HTT: variants seen among roughly 807,000 people sequenced by gnomAD.
HTT encodes the protein huntington disease protein.
A neutral mutation model predicts 362.3 loss-of-function variants in HTT; 104 were observed. The ratio of observed to expected loss-of-function variants is 0.29; its 90% CI spans 0.24 to 0.34. The LOEUF (loss-of-function observed/expected upper bound fraction) is 0.34, where lower values mean the gene tolerates loss of function less well. Ranked by LOEUF, HTT falls within the 10% of genes least tolerant of loss-of-function variation. HTT has a pLI of 1.00. For missense variants in HTT, 3,301 were observed against 3,928.6 expected (o/e 0.84, Z 4.27); for synonymous variants, 1,577 against 1,548.7 (o/e 1.02, Z -0.43).
Position 3,077,012 on chromosome 4 carries a change from T to C in HTT, c.263+1924T>C, listed in dbSNP as rs1712588743. Among the ~76,000 whole-genome samples, 3 of 152,134 alleles carry C rather than the reference T, an allele frequency of 2.0e-5. No individual in the cohort carries two copies. In the South Asian group the frequency reaches 6.2e-4, roughly 32 times the overall value. On this transcript the variant is annotated intron_variant, in intron 1 of 66. Coordinates refer to ENST00000355072, the MANE Select transcript of HTT (RefSeq NM_001388492.1). ...GGCTAACATGGTGAAACCCTGTCTCTACTAAAAATACAAAAATTAGCTGGT... is the reference window on the plus strand; with the variant it reads ...GGCTAACATGGTGAAACCCTGTCTCCACTAAAAATACAAAAATTAGCTGGT...
chr4:3,238,942 T>C lies in HTT; in HGVS notation c.9179T>C (p.Phe3060Ser). ...AMATWSLSCF[F>S]VSASTSPWVA... ...GCCACGTGGAGCCTCTCCTGCTTCT[T>C]TGTCAGCGCGTCCACCAGCCCGTGG... The change falls in exon 66 of 67, where the codon TTT becomes TCT. Residue 3060 changes from phenylalanine to serine, a missense_variant. Phe to Ser is a radical substitution (Grantham distance 155). This residue lies in a region of HTT where 753 missense variants were observed against 1,021.3 expected (regional missense o/e 0.74). Coordinates refer to ENST00000355072, the MANE Select transcript of HTT (RefSeq NM_001388492.1). 1 of 1,609,982 alleles carries C rather than the reference T, an allele frequency of 6.2e-7. No individual in the cohort carries two copies. Among genetic ancestry groups the C allele is most frequent in the Non-Finnish European group, 8.5e-7 (1 of 1,179,264 alleles).
chr4:3,110,618 TC>T (rs1467140263), intron 6 of HTT, among the ~76,000 whole-genome samples: 1 of 152,224 alleles, frequency 6.6e-6, no homozygotes, highest in Non-Finnish European at 1.5e-5. Context: ...CCATTTTTTT[TC>T]CTGTACACTT....
chr4:3,077,640 G>A (rs1188709827), intron 1 of HTT, among the ~76,000 whole-genome samples: 1 of 152,116 alleles, frequency 6.6e-6, no homozygotes, highest in East Asian at 1.9e-4. Flanking sequence ...GGCTGGTCTT[G>A]AACTCCTGAC....
intron 38 of HTT, among the ~76,000 whole-genome samples, chr4:3,187,002 G>A (rs756781431): frequency 9.2e-5 from 14 of 151,714 alleles, no homozygotes; most frequent in South Asian, 8.4e-4. Context: ...GGGACTACAA[G>A]CGCCCACCAC....
At chr4:3,111,842 A>G (rs6843895) in intron 6 of HTT, among the ~76,000 whole-genome samples, 34,044 of 151,944 alleles carry the variant, frequency 0.22, 6,316 homozygotes, top group African/African-American at 0.52. Context: ...ACCAGCCACT[A>G]TTTCACCCTC....
Position 3,076,985 on chromosome 4 carries a change from C to G in HTT, c.263+1897C>G, listed in dbSNP as rs1251236148. Among the ~76,000 whole-genome samples the G allele has an allele frequency of 3.3e-5, 5 of 152,072 alleles. No individual in the cohort carries two copies. In the East Asian group the frequency reaches 9.6e-4, roughly 29 times the overall value. On this transcript the variant is annotated intron_variant, in intron 1 of 66. Coordinates refer to ENST00000355072, the MANE Select transcript of HTT (RefSeq NM_001388492.1). ...CTGAGGTCAGGAGTTTGAGACCAGC[C>G]TGGCTAACATGGTGAAACCCTGTCT...
chr4:3,075,300 C>T (rs1461559111), intron 1 of HTT, among the ~76,000 whole-genome samples: 1 of 152,248 alleles, frequency 6.6e-6, no homozygotes, highest in Non-Finnish European at 1.5e-5. Flanking sequence ...TTGGGTCTTC[C>T]CTTGTCCTCT....
intron 52 of HTT, among the ~76,000 whole-genome samples, chr4:3,219,323 G>A (rs150246032): frequency 1.2e-4 from 18 of 152,244 alleles, no homozygotes; most frequent in East Asian, 3.9e-4. Context: ...AGGTCATGCC[G>A]TCCAGAGCAC....
intron 13 of HTT, 93 bp from the exon 14 acceptor site, chr4:3,130,212 A>G (rs1715737646): frequency 1.9e-6 from 2 of 1,075,338 alleles, no homozygotes; most frequent in Admixed American, 2.4e-5. Flanking sequence ...TTCTTGATCT[A>G]AATCTTATAC....
rs362273 is a variant in HTT, at chr4:3,225,692, A to G, written c.7797A>G (p.Leu2599=). ...TCATCAGCCACGAGAAGCTGCTGCT[A>G]CAGATCAACCCCGAGCGGGAGCTGG... The part of the protein sequence containing the change: ...GALISHEKLL[L]QINPERELGS... The change falls in exon 57 of 67, where the codon CTA becomes CTG. Residue 2599 remains leucine (L), a synonymous_variant. Transcript: ENST00000355072. 487,208 of 1,613,154 alleles carry G rather than the reference A, an allele frequency of 0.3. 76,328 individuals are homozygous for G. The highest frequency in any genetic ancestry group is 0.37 in the East Asian group (16,536 of 44,812).
rs754353670 is a variant in HTT, at chr4:3,222,400, T to C, written c.7383T>C (p.Arg2461=). The change falls in exon 54 of 67, where the codon CGT becomes CGC. Residue 2461 remains arginine, a synonymous_variant. Coordinates refer to ENST00000355072, the MANE Select transcript of HTT (RefSeq NM_001388492.1). ...YRINTLGWTS[R]TQFEETWATL... ...TTATATTTCTAGGCTGGACCAGTCG[T>C]ACTCAGTTTGAAGAAACTTGGGCCA... The C allele has an allele frequency of 6.2e-7, 1 of 1,614,002 alleles. No individual in the cohort carries two copies. Among genetic ancestry groups the C allele is most frequent in the South Asian group, 1.1e-5 (1 of 91,080 alleles).
intron 8 of HTT, among the ~76,000 whole-genome samples, chr4:3,118,101 C>T (rs1715120115): frequency 6.6e-6 from 1 of 152,168 alleles, no homozygotes. Context: ...GTCTGATATA[C>T]TGCTTCCATC....
chr4:3,118,017 C>T (rs1384243282), intron 8 of HTT, among the ~76,000 whole-genome samples: 1 of 152,186 alleles, frequency 6.6e-6, no homozygotes. Context: ...ACTGGTTCCC[C>T]TCCATCCCAG....
In HTT at chr4:3,122,879, TG is replaced by T; in HGVS notation, c.1274-9del. On this transcript the variant is annotated splice_polypyrimidine_tract_variant and intron_variant, in intron 9 of 66. Transcript: ENST00000355072. The stretch of plus-strand genomic sequence containing the variant: ...TTGTTACTTTATCTGTCACTTTCTG[TG>T]ATTTGCAGCTGGAGGGGGTTCCTCA... 2.5e-6 allele frequency: 4 copies of T among 1,602,954 alleles called. No homozygotes were observed. Among genetic ancestry groups the T allele is most frequent in the Non-Finnish European group, 3.4e-6 (4 of 1,173,548 alleles).
At position 3,134,891 on chromosome 4, in the gene HTT, G is replaced by C. The variant is rs191263486; in HGVS notation, c.2633+351G>C. Among the ~76,000 whole-genome samples, 243 of 152,116 alleles carry C rather than the reference G, an allele frequency of 1.6e-3. 1 individual carries two copies. Among genetic ancestry groups the C allele is most frequent in the African/African-American group, 5.7e-3 (238 of 41,488 alleles). ...AGAATAGGTGTGTGCCGTCACACTG[G>C]CTAATATTTTTTGTAGAAATGGGGT... On this transcript the variant is annotated intron_variant, in intron 19 of 66. Coordinates refer to ENST00000355072, the MANE Select transcript of HTT (RefSeq NM_001388492.1).
intron 35 of HTT, 28 bp from the exon 36 acceptor site, chr4:3,180,487 T>C: frequency 6.5e-7 from 1 of 1,531,850 alleles, no homozygotes; most frequent in South Asian, 1.3e-5. Context: ...ATGAAATGCC[T>C]GATAAGGGTA....
chr4:3,199,974 G>A, intron 41 of HTT, 35 bp downstream of exon 41: 1 of 1,561,204 alleles, frequency 6.4e-7, no homozygotes, highest in Non-Finnish European at 8.7e-7. Flanking sequence ...CAGGGCGCCA[G>A]CCCAGCACCC....
intron 65 of HTT, 37 bp from the exon 66 acceptor site, chr4:3,238,781 C>G (rs771927073): frequency 1.3e-6 from 2 of 1,536,440 alleles, no homozygotes; most frequent in South Asian, 2.4e-5. Context: ...CCCGTCCCCC[C>G]AGCCCTGACA....
intron 6 of HTT, among the ~76,000 whole-genome samples, chr4:3,110,366 C>G (rs1714681266): frequency 6.6e-6 from 1 of 152,092 alleles, no homozygotes; most frequent in Non-Finnish European, 1.5e-5. Context: ...CAGTTTTTCC[C>G]CAGTGTGGTC....
Sources: gnomAD v4.1 joint callset for allele counts (sites outside exome capture counted in the v4.1 genomes callset) on GRCh38, gnomAD v4.1.1 for gene constraint, gnomAD v4.1.1 regional missense constraint, MANE v1.5 for transcripts, NCBI Gene and HGNC (gene_info 2026-07-23, HGNC 2026-07-21) for gene names.